Variants in SNTB1 observed in about 807,000 individuals in gnomAD.
SNTB1 encodes syntrophin beta 1.
A neutral mutation model predicts 48.9 loss-of-function variants in SNTB1; 36 were observed. The ratio of observed to expected loss-of-function variants is 0.74; its 90% CI spans 0.56 to 0.97. The LOEUF (loss-of-function observed/expected upper bound fraction) is 0.97, where lower values mean the gene tolerates loss of function less well. SNTB1 is among the 50% of genes least tolerant of loss of function. The pLI, the probability that SNTB1 is intolerant of heterozygous loss-of-function variation, is 0.00. For synonymous variants in SNTB1, 299 were observed against 294.6 expected, an observed-to-expected ratio of 1.01 and a Z score of -0.15; for missense variants, 786 against 703.4, an observed-to-expected ratio of 1.12 and a Z score of -1.33.
intron 3 of SNTB1, among the ~76,000 whole-genome samples, chr8:120,606,451 A>T (rs1190182821): frequency 6.6e-6 from 1 of 151,262 alleles, no homozygotes; most frequent in East Asian, 1.9e-4. Flanking sequence ...ACACACTCCA[A>T]ATCATTACAC....
intron 3 of SNTB1, among the ~76,000 whole-genome samples, chr8:120,631,930 G>A (rs765249582): frequency 7.3e-4 from 111 of 152,238 alleles, no homozygotes; most frequent in Middle Eastern, 3.4e-3. Flanking sequence ...GCTGGCTTAA[G>A]AGCATAAATA....
rs1416071932 is a variant in SNTB1, at chr8:120,537,369, A to G, written c.*1508T>C. 6.6e-6 allele frequency: 1 copy of G among 152,166 alleles called. No individual in the cohort carries two copies. The highest frequency in any genetic ancestry group is 1.5e-5 in the Non-Finnish European group (1 of 68,024). 9.4% of individuals were successfully genotyped at this position (152,166 alleles called of 1,614,324 possible). Reference sequence around the variant, plus strand: ...CAAACCCCTGTCTCCCCCCAGCAAAACACCACTCAGTCAAGCCCCTTGGAA... The same window carrying G: ...CAAACCCCTGTCTCCCCCCAGCAAAGCACCACTCAGTCAAGCCCCTTGGAA... On this transcript the variant is annotated 3_prime_UTR_variant, in exon 7 of 7. Transcript: ENST00000517992.
At chr8:120,773,228 G>C (rs1819671554) in intron 1 of SNTB1, among the ~76,000 whole-genome samples, 1 of 152,184 alleles carries the variant, frequency 6.6e-6, no homozygotes, top group Non-Finnish European at 1.5e-5. Flanking sequence ...GTTTTAAAGA[G>C]AGATTGAGGC....
At chr8:120,646,077 G>A (rs1428302385) in intron 2 of SNTB1, among the ~76,000 whole-genome samples, 8 of 148,214 alleles carry the variant, frequency 5.4e-5, no homozygotes, top group Non-Finnish European at 9.0e-5. Flanking sequence ...GAGACAGTGG[G>A]GTTTTCTAGA....
At chr8:120,712,631 T>C (rs1220136605) in intron 1 of SNTB1, among the ~76,000 whole-genome samples, 1 of 152,180 alleles carries the variant, frequency 6.6e-6, no homozygotes, top group Non-Finnish European at 1.5e-5. Flanking sequence ...TGTCACATTG[T>C]AAGCCACTGT....
Position 120,566,924 on chromosome 8 carries a change from G to A in SNTB1, c.1136+8162C>T, listed in dbSNP as rs561806503. Among the ~76,000 whole-genome samples the A allele has an allele frequency of 5.7e-4, 87 of 152,250 alleles. 1 individual carries two copies. The highest frequency in any genetic ancestry group is 2.0e-3 in the African/African-American group (85 of 41,554). On this transcript the variant is annotated intron_variant, in intron 4 of 6. Transcript: ENST00000517992. ...ACCTGTTGCATGATTTATTTGTCAG[G>A]AAAGAAAACTTTTATATATGATACA...
intron 1 of SNTB1, among the ~76,000 whole-genome samples, chr8:120,782,250 A>T (rs1282908305): frequency 1.3e-5 from 2 of 152,152 alleles, no homozygotes; most frequent in African/African-American, 4.8e-5. Flanking sequence ...TTAGCTAATC[A>T]TATTTGCAAC....
At chr8:120,574,730 G>T (rs1241708981) in intron 4 of SNTB1, among the ~76,000 whole-genome samples, 1 of 152,130 alleles carries the variant, frequency 6.6e-6, no homozygotes, top group Non-Finnish European at 1.5e-5. Context: ...GCCACTAAGT[G>T]AAGACCCTTG....
intron 1 of SNTB1, among the ~76,000 whole-genome samples, chr8:120,709,342 G>A (rs1041225028): frequency 1.3e-5 from 2 of 152,106 alleles, no homozygotes; most frequent in Non-Finnish European, 2.9e-5. Context: ...CAGGCTTCTG[G>A]GATGAGAGTG....
At chr8:120,774,723 C>T (rs1490809124) in intron 1 of SNTB1, among the ~76,000 whole-genome samples, 5 of 152,252 alleles carry the variant, frequency 3.3e-5, no homozygotes, top group South Asian at 2.1e-4. Flanking sequence ...GGCACAACCT[C>T]GGCTCACTGT....
chr8:120,750,041 C>T (rs1819184597), intron 1 of SNTB1, among the ~76,000 whole-genome samples: 1 of 152,082 alleles, frequency 6.6e-6, no homozygotes, highest in Admixed American at 6.6e-5. Flanking sequence ...TTAAGAAGTA[C>T]TAAGAAAGCT....
chr8:120,628,582 C>T (rs1004568509), intron 3 of SNTB1, among the ~76,000 whole-genome samples: 4 of 152,106 alleles, frequency 2.6e-5, no homozygotes, highest in Non-Finnish European at 4.4e-5. Context: ...CAGAGCAAAA[C>T]CCCATCTCTT....
chr8:120,674,173 T>C (rs553083620), intron 2 of SNTB1, among the ~76,000 whole-genome samples: 1 of 152,344 alleles, frequency 6.6e-6, no homozygotes, highest in African/African-American at 2.4e-5. Context: ...AACATCTGTT[T>C]GACCTGGCCC....
chr8:120,664,089 T>C (rs1264684785), intron 2 of SNTB1, among the ~76,000 whole-genome samples: 1 of 152,146 alleles, frequency 6.6e-6, no homozygotes, highest in Non-Finnish European at 1.5e-5. Flanking sequence ...AAAATAATTA[T>C]AATACATGGC....
intron 2 of SNTB1, among the ~76,000 whole-genome samples, chr8:120,684,397 C>T (rs866896068): frequency 6.6e-6 from 1 of 152,152 alleles, no homozygotes; most frequent in East Asian, 1.9e-4. Context: ...ATTCTTAACT[C>T]ATTCCAGCAT....
chr8:120,651,068 C>T (rs755773277), intron 2 of SNTB1, among the ~76,000 whole-genome samples: 3 of 152,142 alleles, frequency 2.0e-5, no homozygotes, highest in Non-Finnish European at 4.4e-5. Flanking sequence ...TGTCACAGTG[C>T]CATGCTCATC....
intron 2 of SNTB1, among the ~76,000 whole-genome samples, chr8:120,648,866 C>A (rs1456158781): frequency 6.6e-6 from 1 of 152,076 alleles, no homozygotes; most frequent in African/African-American, 2.4e-5. Flanking sequence ...TTGTTCATTT[C>A]TTTTTATTCT....
At chr8:120,764,464 T>C (rs1028900546) in intron 1 of SNTB1, among the ~76,000 whole-genome samples, 14 of 152,226 alleles carry the variant, frequency 9.2e-5, no homozygotes, top group African/African-American at 3.4e-4. Flanking sequence ...GTAGTCACAG[T>C]GGTTACTTCT....
At chr8:120,698,925 A>G (rs1243372844) in intron 1 of SNTB1, among the ~76,000 whole-genome samples, 5 of 152,248 alleles carry the variant, frequency 3.3e-5, no homozygotes, top group Non-Finnish European at 7.3e-5. Context: ...CAGGGAAGGG[A>G]AGGTGTTGCC....
Sources: allele counts gnomAD v4.1 joint callset (sites outside exome capture counted in the v4.1 genomes callset), GRCh38; gene constraint gnomAD v4.1.1; transcripts MANE v1.5; gene names NCBI Gene and HGNC (gene_info 2026-07-23, HGNC 2026-07-21).